Variants in ATR observed in about 807,000 individuals in gnomAD.
ATR encodes ATR checkpoint kinase.
A neutral mutation model predicts 305.3 loss-of-function variants in ATR; 142 were observed. The observed-to-expected ratio is 0.47, with a 90% CI of 0.41 to 0.53. The LOEUF (loss-of-function observed/expected upper bound fraction) is 0.53, where lower values mean the gene tolerates loss of function less well. ATR is among the 20% of genes least tolerant of loss of function. The probability of loss-of-function intolerance (pLI) is 0.00; values close to 1 mark genes in which losing one functional copy is unlikely to be tolerated. For missense variants in ATR, 2,135 were observed against 3,133.1 expected (o/e 0.68, Z 7.60); for synonymous variants, 1,050 against 1,068.1 (o/e 0.98, Z 0.33).
rs2034135838 is a variant in ATR, at chr3:142,543,448, CCCT to C, written c.3358-694_3358-692del. On this transcript the variant is annotated intron_variant, in intron 16 of 46. Transcript: ENST00000350721. ...CTCCCTCCGTCCGTCCTTTCTTCCT[CCCT>C]CCTTTCCTCCCTCCCTCCTTCCCTT... is the stretch of plus-strand genomic sequence containing the variant. Among the ~76,000 whole-genome samples the C allele has an allele frequency of 2.0e-5, 3 of 146,506 alleles. No homozygotes were observed. In the South Asian group the frequency reaches 6.8e-4, roughly 33 times the overall value.
In ATR at chr3:142,463,643, C is replaced by T. The variant is rs377042360; in HGVS notation, c.7041+1454G>A. Among the ~76,000 whole-genome samples the T allele has an allele frequency of 5.9e-5, 9 of 152,100 alleles. No homozygotes were observed. The South Asian group carries it at 6.2e-4, about 10-fold the overall frequency. Reference sequence around the variant, plus strand: ...AACTACTGGCCTCAAGTGATCTGCCCGCCTCAGCTGGGATTACAGGCATGA... The same window carrying T: ...AACTACTGGCCTCAAGTGATCTGCCTGCCTCAGCTGGGATTACAGGCATGA... On this transcript the variant is annotated intron_variant, in intron 41 of 46. Coordinates refer to ENST00000350721, the MANE Select transcript of ATR (RefSeq NM_001184.4).
chr3:142,496,991 T>TA (rs1424962605), intron 33 of ATR, 22 bp downstream of exon 33: 5 of 1,605,546 alleles, frequency 3.1e-6, no homozygotes, highest in Admixed American at 1.7e-5. Context: ...GTGACATTTT[T>TA]AAAAAAAGTA....
chr3:142,487,056 T>C (rs2030987938), intron 35 of ATR, among the ~76,000 whole-genome samples: 1 of 150,796 alleles, frequency 6.6e-6, no homozygotes, highest in Non-Finnish European at 1.5e-5. Flanking sequence ...GGCCTGAACC[T>C]GGGAGGCGGA....
chr3:142,574,122 G>A (rs1178319148), intron 1 of ATR, among the ~76,000 whole-genome samples: 2 of 152,132 alleles, frequency 1.3e-5, no homozygotes, highest in African/African-American at 4.8e-5. Context: ...TTAAAAATCA[G>A]TTTTAGAAAA....
Position 142,500,495 on chromosome 3 carries a change from G to C in ATR, c.5289-777C>G, listed in dbSNP as rs76511560. Among the ~76,000 whole-genome samples, 430 of 152,088 alleles carry C rather than the reference G, an allele frequency of 2.8e-3. 1 individual carries two copies. The highest frequency in any genetic ancestry group is 4.7e-3 in the Non-Finnish European group (317 of 67,976). Reference sequence around the variant, plus strand: ...ATTTCTGCCATATGTTTAGATCCTAGGCTAGGTACAATTTTCCATTTAATA... The same window carrying C: ...ATTTCTGCCATATGTTTAGATCCTACGCTAGGTACAATTTTCCATTTAATA... On this transcript the variant is annotated intron_variant, in intron 30 of 46. Coordinates refer to ENST00000350721, the MANE Select transcript of ATR (RefSeq NM_001184.4).
intron 41 of ATR, 54 bp downstream of exon 41, chr3:142,465,043 A>T (rs571444847): frequency 1.8e-5 from 22 of 1,211,000 alleles, no homozygotes; most frequent in South Asian, 7.7e-5. Flanking sequence ...ATAGTCAAAA[A>T]TTTTTTTAAA....
intron 30 of ATR, among the ~76,000 whole-genome samples, chr3:142,502,144 G>C (rs1052165857): frequency 6.6e-6 from 1 of 152,220 alleles, no homozygotes. Flanking sequence ...AATTAGTTCA[G>C]CCACTGTGGA....
chr3:142,499,377 C>A (rs1403343798), intron 31 of ATR, among the ~76,000 whole-genome samples: 1 of 151,962 alleles, frequency 6.6e-6, no homozygotes, highest in South Asian at 2.1e-4. Flanking sequence ...TCACTGCAAC[C>A]TCCAACTCCC....
Position 142,553,381 on chromosome 3 carries a change from A to C in ATR, c.2651T>G (p.Leu884Trp), listed in dbSNP as rs754064500. ...GDIGRAAKGD[L>W]VPFALLHLLH... ...TAAGTGTAAGAGTGCAAATGGTACC[A>C]AATCTCCTTTTGCGGCCCTAAAATT... The change falls in exon 13 of 47, where the codon TTG becomes TGG. Residue 884 changes from leucine to tryptophan, a missense_variant. Leu to Trp is a moderately conservative substitution (Grantham distance 61, BLOSUM62 -2). This residue lies in a region of ATR where 530 missense variants were observed against 766.8 expected (regional missense o/e 0.69). Coordinates refer to ENST00000350721, the MANE Select transcript of ATR (RefSeq NM_001184.4). 5 of 1,613,786 alleles carry C rather than the reference A, an allele frequency of 3.1e-6. No individual in the cohort carries two copies. Among genetic ancestry groups the C allele is most frequent in the East Asian group, 4.5e-5 (2 of 44,870 alleles).
At position 142,538,610 on chromosome 3, in the gene ATR, A is replaced by AAAGCAGTCCC. The variant is rs1399370012; in HGVS notation, c.3587_3596dup (p.Phe1199LeufsTer33). 6.2e-7 allele frequency: 1 copy of AAAGCAGTCCC among 1,613,564 alleles called. No individual in the cohort carries two copies. The highest frequency in any genetic ancestry group is 1.1e-5 in the South Asian group (1 of 91,064). On this transcript the variant is annotated frameshift_variant, in exon 19 of 47. Transcript: ENST00000350721. LOFTEE classifies it high-confidence loss of function. ...GACAAGCATGATCCAGGCAGCGAACAAAGCAGTCCCAAGCTCTATGTGAAA... is the reference window on the plus strand; with the variant it reads ...GACAAGCATGATCCAGGCAGCGAACAAAGCAGTCCCAAGCAGTCCCAAGCTCTATGTGAAA...
At chr3:142,576,660 T>G (rs2035450985) in intron 1 of ATR, among the ~76,000 whole-genome samples, 1 of 152,208 alleles carries the variant, frequency 6.6e-6, no homozygotes, top group Non-Finnish European at 1.5e-5. Flanking sequence ...ATTCTGAACC[T>G]TAACTACACA....
At position 142,549,340 on chromosome 3, in the gene ATR, T is replaced by C. The variant is rs2034393325; in HGVS notation, c.3171+139A>G. 5.1e-5 allele frequency: 30 copies of C among 592,556 alleles called. No individual in the cohort carries two copies. In the East Asian group the frequency reaches 9.5e-4, roughly 19 times the overall value. 36.7% of individuals were successfully genotyped at this position (592,556 alleles called of 1,614,324 possible). ...TAATATGCTCTCAGGACAAAGATTA[T>C]TTAACATAACAACATTTAAACTTAC... On this transcript the variant is annotated intron_variant, in intron 15 of 46. Transcript: ENST00000350721.
intron 21 of ATR, among the ~76,000 whole-genome samples, chr3:142,533,916 G>A (rs1002948215): frequency 1.3e-5 from 2 of 151,936 alleles, no homozygotes; most frequent in East Asian, 1.9e-4. Flanking sequence ...GCAAAGTGAG[G>A]CAGCTGCAGC....
At position 142,556,441 on chromosome 3, in the gene ATR, C is replaced by T; in HGVS notation, c.2020G>A (p.Gly674Arg). The T allele has an allele frequency of 6.2e-7, 1 of 1,614,026 alleles. No individual in the cohort carries two copies. Among genetic ancestry groups the T allele is most frequent in the Non-Finnish European group, 8.5e-7 (1 of 1,179,980 alleles). ...HEVIRASCVS[G>R]FFILLQQQNS... The stretch of plus-strand genomic sequence containing the variant: ...TGCTGCTGCAATAAGATAAAAAATC[C>T]ACTAACACAACTAGCCCGGATTACT... Residue 674 changes from glycine (G) to arginine (R), a missense_variant, in exon 9 of 47, where the codon GGA becomes AGA. Gly to Arg is a moderately radical substitution (Grantham distance 125). Transcript: ENST00000350721.
At chr3:142,461,862 C>G (rs2071028631) in intron 42 of ATR, 78 bp downstream of exon 42, 1 of 1,455,460 alleles carries the variant, frequency 6.9e-7, no homozygotes, top group Admixed American at 1.7e-5. Context: ...CATATGCTAG[C>G]ATATATTAAT....
chr3:142,567,966 T>TAC (rs371539467), intron 2 of ATR, 97 bp downstream of exon 2: 20 of 978,216 alleles, frequency 2.0e-5, no homozygotes, highest in Middle Eastern at 3.2e-4. Context: ...AAATACTCCA[T>TAC]ATCTAAAACT....
In ATR at chr3:142,482,779, T is replaced by C. The variant is rs1424552044; in HGVS notation, c.6221+2361A>G. On this transcript the variant is annotated intron_variant, in intron 36 of 46. Transcript: ENST00000350721. ...TGAGCCCAGAGTTCAAGGTCATAGT[T>C]AGCTATGATTGTACTGCACTCCTGC... Among the ~76,000 whole-genome samples, 11 of 151,716 alleles carry C rather than the reference T, an allele frequency of 7.3e-5. No individual in the cohort carries two copies. The East Asian group carries it at 2.1e-3, about 29-fold the overall frequency.
chr3:142,562,136 A>T, intron 4 of ATR, 96 bp downstream of exon 4: 1 of 1,278,550 alleles, frequency 7.8e-7, no homozygotes. Flanking sequence ...ACTATTAAAG[A>T]TATTCTATTT....
At chr3:142,499,294 GC>G (rs2031820497) in intron 31 of ATR, 1 of 296,132 alleles carries the variant, frequency 3.4e-6, no homozygotes, top group Non-Finnish European at 6.5e-6. Context: ...TATTAAAACC[GC>G]TTTTTTTTTT....
Sources: gnomAD v4.1 joint callset for allele counts (sites outside exome capture counted in the v4.1 genomes callset) on GRCh38, gnomAD v4.1.1 for gene constraint, gnomAD v4.1.1 regional missense constraint, MANE v1.5 for transcripts, NCBI Gene and HGNC (gene_info 2026-07-23, HGNC 2026-07-21) for gene names.